The following EXOC3L4 variants were observed in gnomAD, a reference collection of about 807,000 sequenced individuals.
The protein encoded by EXOC3L4 is exocyst complex component 3-like protein 4.
A neutral mutation model predicts 69.7 loss-of-function variants in EXOC3L4; 62 were observed. The ratio of observed to expected loss-of-function variants is 0.89; its 90% CI spans 0.72 to 1.10. EXOC3L4 has a LOEUF of 1.10. EXOC3L4 is among the 50% of genes least tolerant of loss of function. EXOC3L4 has a pLI of 0.00. For synonymous variants in EXOC3L4, 502 were observed against 464.2 expected (o/e 1.08, Z -1.05); for missense variants, 1,087 against 1,034.8 (o/e 1.05, Z -0.69).
chr14:103,095,961 G>A (rs959639388), intron 1 of EXOC3L4, among the ~76,000 whole-genome samples: 1 of 152,088 alleles, frequency 6.6e-6, no homozygotes, highest in Non-Finnish European at 1.5e-5. Context: ...CCAGCCAAAT[G>A]TTGAGGAGTA....
rs773648920 is a variant in EXOC3L4 at position 103,102,629 on chromosome 14, G to A, written c.906G>A (p.Ala302=). ...KVRQEVQPAY[A]AAGFPAWEVY... The stretch of plus-strand genomic sequence containing the variant: ...GGCAGGAGGTGCAGCCCGCGTATGC[G>A]GCGGCCGGCTTCCCAGCGTGGGAGG... The change falls in exon 3 of 12, where the codon GCG becomes GCA. Residue 302 remains alanine, a synonymous_variant. Transcript: ENST00000688303. The A allele has an allele frequency of 1.3e-6, 2 of 1,499,266 alleles. No individual in the cohort carries two copies. The highest frequency in any genetic ancestry group is 8.9e-7 in the Non-Finnish European group (1 of 1,129,518). The allele number at this position is 1,499,266 out of a possible 1,614,324, so 92.9% of individuals were successfully genotyped here. A position where few individuals can be genotyped will look rare whatever the true frequency, so the allele number is the denominator to read the frequency against.
Position 103,104,844 on chromosome 14 carries a change from G to GC in EXOC3L4, c.1385+6_1385+7insC. ...CTCGGCCTCTTCGTGCCCAGGTGCG[G>GC]ACGCATCCTCAGTAGGGGAGCGACC... On this transcript the variant is annotated splice_region_variant and intron_variant, in intron 6 of 11. Transcript: ENST00000688303. The GC allele has an allele frequency of 6.6e-7, 1 of 1,508,750 alleles. No homozygotes were observed. The highest frequency in any genetic ancestry group is 1.3e-5 in the South Asian group (1 of 79,752). 93.5% of individuals were successfully genotyped at this position (1,508,750 alleles called of 1,614,324 possible).
chr14:103,107,774 C>T lies in EXOC3L4; in HGVS notation c.1845C>T (p.Phe615=), dbSNP rs1421362197. The change falls in exon 10 of 12, where the codon TTC becomes TTT. Residue 615 remains phenylalanine (F), a synonymous_variant. Coordinates refer to ENST00000688303, the MANE Select transcript of EXOC3L4 (RefSeq NM_001077594.2). ...ATGCCCAGGCCATCAGCGACACCTT[C>T]CAGGGCCTGGTAGGGGCGGCATGAC... The part of the protein sequence containing the change: ...SLDAQAISDT[F]QGLGSEATWL... 2 of 1,525,048 alleles carry T rather than the reference C, an allele frequency of 1.3e-6. No individual in the cohort carries two copies. Among genetic ancestry groups the T allele is most frequent in the African/African-American group, 1.4e-5 (1 of 72,964 alleles). 94.5% of individuals were successfully genotyped at this position (1,525,048 alleles called of 1,614,324 possible). A position where few individuals can be genotyped will look rare whatever the true frequency, so the allele number is the denominator to read the frequency against.
intron 3 of EXOC3L4, among the ~76,000 whole-genome samples, chr14:103,103,015 C>T (rs1370909398): frequency 6.6e-6 from 1 of 152,218 alleles, no homozygotes; most frequent in African/African-American, 2.4e-5. Flanking sequence ...CGGGGAGGTT[C>T]CCATGGGAGC....
At chr14:103,107,082 C>T (rs1890599609) in intron 8 of EXOC3L4, among the ~76,000 whole-genome samples, 183 bp downstream of exon 8, 1 of 152,140 alleles carries the variant, frequency 6.6e-6, no homozygotes, top group Non-Finnish European at 1.5e-5. Context: ...CTGGGAGACG[C>T]CTGCCTTCTC....
chr14:103,103,998 C>A lies in EXOC3L4; in HGVS notation c.1107C>A (p.Leu369=). ...TGCCCGCCGAGCCGCTGCCTCCGCT[C>A]CTGGCGCCGGACGTGTGGGCCCGAC... is the stretch of plus-strand genomic sequence containing the variant. ...LALPAEPLPP[L]LAPDVWARLE... is the part of the protein sequence containing the mutation. Residue 369 remains leucine (L), a synonymous_variant, in exon 4 of 12, where the codon CTC becomes CTA. Transcript: ENST00000688303. 1 of 1,576,284 alleles carries A rather than the reference C, an allele frequency of 6.3e-7. No individual in the cohort carries two copies.
Position 103,105,787 on chromosome 14 carries a change from G to A in EXOC3L4, c.1466+715G>A, listed in dbSNP as rs780845355. 4.6e-5 allele frequency among the ~76,000 whole-genome samples: 7 copies of A among 152,180 alleles called. No homozygotes were observed. In the South Asian group the frequency reaches 6.2e-4, roughly 13 times the overall value. On this transcript the variant is annotated intron_variant, in intron 7 of 11. Coordinates refer to ENST00000688303, the MANE Select transcript of EXOC3L4 (RefSeq NM_001077594.2). Reference sequence around the variant, plus strand: ...GCCAGGCCTCAGCAGATGCGGCAGCGCCAGAGGCACAGACTGAGCCTCCCC... The same window carrying A: ...GCCAGGCCTCAGCAGATGCGGCAGCACCAGAGGCACAGACTGAGCCTCCCC...
intron 1 of EXOC3L4, among the ~76,000 whole-genome samples, chr14:103,098,347 C>A (rs940843923): frequency 6.6e-6 from 1 of 151,992 alleles, no homozygotes; most frequent in Non-Finnish European, 1.5e-5. Flanking sequence ...GGGGTGGAGA[C>A]GTGGCAGGTC....
In EXOC3L4 at chr14:103,102,525, G is replaced by A. The variant is rs921003472; in HGVS notation, c.802G>A (p.Glu268Lys). The change falls in exon 3 of 12, where the codon GAG (glutamate) becomes AAG (lysine). Residue 268 changes from glutamate (E) to lysine (K), a missense_variant. Glu to Lys is a moderately conservative substitution (Grantham distance 56, BLOSUM62 1). Coordinates refer to ENST00000688303, the MANE Select transcript of EXOC3L4 (RefSeq NM_001077594.2). Reference protein sequence around the residue: ...RRPGAGWAFGEAEGASGLAQL... With the variant: ...RRPGAGWAFGKAEGASGLAQL... ...GCCGGGCGCGGGGTGGGCCTTCGGG[G>A]AGGCGGAGGGCGCGTCGGGTTTGGC... 1.1e-5 allele frequency: 16 copies of A among 1,397,858 alleles called. No individual in the cohort carries two copies. The Admixed American group carries it at 1.7e-4, about 15-fold the overall frequency. The allele number at this position is 1,397,858 out of a possible 1,614,324, so 86.6% of individuals were successfully genotyped here.
At chr14:103,104,187 C>T (rs1890394316) in intron 4 of EXOC3L4, 80 bp from the exon 5 acceptor site, 4 of 1,453,998 alleles carry the variant, frequency 2.8e-6, no homozygotes, top group Non-Finnish European at 3.6e-6. Flanking sequence ...GCTTGTGACC[C>T]GACAGGGCGG....
rs1361147407 is a variant in EXOC3L4 at position 103,097,731 on chromosome 14, C to T, written c.-16-2473C>T. Reference sequence around the variant, plus strand: ...CCGGTGGTGCAAGGCATCTGAACCCCGAGGTCCTGAAACCCAAGTCAGGTT... The same window carrying T: ...CCGGTGGTGCAAGGCATCTGAACCCTGAGGTCCTGAAACCCAAGTCAGGTT... On this transcript the variant is annotated intron_variant, in intron 1 of 11. Transcript: ENST00000688303. This position sits in a 1 kb window ranked among gnomAD's most constrained non-coding sequence, Gnocchi z 4.9. 6.6e-6 allele frequency among the ~76,000 whole-genome samples: 1 copy of T among 152,218 alleles called. No individual in the cohort carries two copies. Among genetic ancestry groups the T allele is most frequent in the East Asian group, 1.9e-4 (1 of 5,174 alleles).
At chr14:103,099,722 T>A (rs1890068605) in intron 1 of EXOC3L4, among the ~76,000 whole-genome samples, 1 of 151,268 alleles carries the variant, frequency 6.6e-6, no homozygotes, top group East Asian at 1.9e-4. Context: ...TGAAGGCGGG[T>A]GAGCTGAGGG....
intron 1 of EXOC3L4, among the ~76,000 whole-genome samples, chr14:103,098,400 G>A (rs1889995975): frequency 6.6e-6 from 1 of 151,264 alleles, no homozygotes; most frequent in Non-Finnish European, 1.5e-5. Context: ...CAGCCTGAGT[G>A]CGCGGCCAGG....
chr14:103,098,340 G>A (rs1889990961), intron 1 of EXOC3L4, among the ~76,000 whole-genome samples: 1 of 152,052 alleles, frequency 6.6e-6, no homozygotes, highest in African/African-American at 2.4e-5. Flanking sequence ...GTCCCTGGGG[G>A]TGGAGACGTG....
rs754419461 is a variant in EXOC3L4, at chr14:103,102,149, A to G, written c.426A>G (p.Glu142=). ...EGKSVADLIT[E]RQLLAAFEQL... ...AATCCGTGGCCGACCTCATTACTGA[A>G]CGGCAACTGCTGGCGGCCTTCGAAC... The change falls in exon 3 of 12, where the codon GAA becomes GAG. Residue 142 remains glutamate, a synonymous_variant. Coordinates refer to ENST00000688303, the MANE Select transcript of EXOC3L4 (RefSeq NM_001077594.2). 9.5e-5 allele frequency: 153 copies of G among 1,606,202 alleles called. 2 individuals are homozygous for G. In the South Asian group the frequency reaches 1.7e-3, roughly 17 times the overall value.
In EXOC3L4 at chr14:103,102,314, G is replaced by A. The variant is rs779801856; in HGVS notation, c.591G>A (p.Val197=). ...DGLAAEIGAI[V]RETLDSDGVD... is the part of the protein sequence containing the mutation. The stretch of plus-strand genomic sequence containing the variant: ...TGGCAGCCGAGATCGGCGCCATCGT[G>A]CGCGAGACGCTGGACAGCGACGGTG... Residue 197 remains valine, a synonymous_variant, in exon 3 of 12, where the codon GTG becomes GTA. Coordinates refer to ENST00000688303, the MANE Select transcript of EXOC3L4 (RefSeq NM_001077594.2). 2.6e-6 allele frequency: 4 copies of A among 1,567,546 alleles called. No homozygotes were observed. Among genetic ancestry groups the A allele is most frequent in the Non-Finnish European group, 3.4e-6 (4 of 1,162,846 alleles).
At chr14:103,100,725 C>T (rs1365680743) in intron 2 of EXOC3L4, 112 bp downstream of exon 2, 2 of 1,311,994 alleles carry the variant, frequency 1.5e-6, no homozygotes, top group African/African-American at 1.5e-5. Context: ...AACCCTGCCC[C>T]CGAACATGTG....
chr14:103,106,001 A>T (rs548435026), intron 7 of EXOC3L4, among the ~76,000 whole-genome samples: 1 of 152,136 alleles, frequency 6.6e-6, no homozygotes, highest in South Asian at 2.1e-4. Flanking sequence ...GTGGTGTGGG[A>T]CCTCTGTGCC....
At chr14:103,107,374 C>T (rs780090643) in intron 8 of EXOC3L4, 50 bp from the exon 9 acceptor site, 21 of 1,588,836 alleles carry the variant, frequency 1.3e-5, no homozygotes, top group East Asian at 6.8e-5. Flanking sequence ...GGAGGGGTTA[C>T]GTTGCGGGCG....
Sources: allele counts gnomAD v4.1 joint callset (sites outside exome capture counted in the v4.1 genomes callset), GRCh38; gene constraint gnomAD v4.1.1; non-coding constraint Gnocchi (gnomAD v3.1); transcripts MANE v1.5; gene names NCBI Gene and HGNC (gene_info 2026-07-23, HGNC 2026-07-21).